The following PTPRQ variants were observed in gnomAD, a reference collection of about 807,000 sequenced individuals.
PTPRQ encodes phosphatidylinositol phosphatase PTPRQ.
A neutral mutation model predicts 246.0 loss-of-function variants in PTPRQ; 199 were observed. That is an observed-to-expected ratio of 0.81 (90% CI 0.72 to 0.91). The LOEUF is 0.91. Among genes scored for constraint, PTPRQ ranks in the 40% least tolerant of loss-of-function variants. PTPRQ has a pLI of 0.00. For synonymous variants in PTPRQ, 869 were observed against 853.2 expected (o/e 1.02, Z -0.32); for missense variants, 2,624 against 2,528.4 (o/e 1.04, Z -0.81).
At chr12:80,484,806 C>T (rs1285009406) in intron 9 of PTPRQ, among the ~76,000 whole-genome samples, 2 of 152,026 alleles carry the variant, frequency 1.3e-5, no homozygotes, top group Non-Finnish European at 2.9e-5. Flanking sequence ...TGCTATTATT[C>T]CTTTTCATCA....
At chr12:80,506,315 A>G in intron 15 of PTPRQ, 109 bp downstream of exon 15, 3 of 1,248,422 alleles carry the variant, frequency 2.4e-6, no homozygotes, top group Non-Finnish European at 3.2e-6. Context: ...GGGTATTACA[A>G]TTTTGTCTTT....
chr12:80,494,974 C>CAGCTGTCTTATGTTATCAGGAGACTTGT lies in PTPRQ; in HGVS notation c.1584_1611dup (p.Pro538AlafsTer13), dbSNP rs1478922866. 2 of 1,550,002 alleles carry CAGCTGTCTTATGTTATCAGGAGACTTGT rather than the reference C, an allele frequency of 1.3e-6. No individual in the cohort carries two copies. The highest frequency in any genetic ancestry group is 3.9e-5 in the Admixed American group (2 of 50,902). On this transcript the variant is annotated frameshift_variant, in exon 11 of 45. Transcript: ENST00000644991. LOFTEE classifies it high-confidence loss of function. ...GTATATTACTGACATTGCAGCTGAA[C>CAGCTGTCTTATGTTATCAGGAGACTTGT]AGCTGTCTTATGTTATCAGGAGACT...
At chr12:80,486,120 A>C (rs1247481156) in intron 9 of PTPRQ, among the ~76,000 whole-genome samples, 1 of 152,166 alleles carries the variant, frequency 6.6e-6, no homozygotes, top group South Asian at 2.1e-4. Context: ...TCTCTAAGAT[A>C]GTGATTATAA....
rs770019394 is a variant in PTPRQ at position 80,495,358 on chromosome 12, C to T, written c.1869C>T (p.Ser623=). 1.5e-5 allele frequency: 23 copies of T among 1,511,654 alleles called. No homozygotes were observed. The African/African-American group carries it at 3.1e-4, about 21-fold the overall frequency. The allele number at this position is 1,511,654 out of a possible 1,614,324, so 93.6% of individuals were successfully genotyped here. The part of the protein sequence containing the change: ...RAFQITTIDN[S]FLITGLKKYT... ...TCCAGATAACTACCATAGATAACAG[C>T]TTTCTCATAACAGGTAGAAAACAAT... The change falls in exon 12 of 45, where the codon AGC becomes AGT. Residue 623 remains serine, a synonymous_variant. Transcript: ENST00000644991.
At chr12:80,638,364 C>A (rs1899736092) in intron 35 of PTPRQ, among the ~76,000 whole-genome samples, 1 of 151,616 alleles carries the variant, frequency 6.6e-6, no homozygotes, top group Non-Finnish European at 1.5e-5. Context: ...ATTTTTCATG[C>A]AAAATTGAGC....
At chr12:80,549,043 C>A (rs1009915359) in intron 24 of PTPRQ, among the ~76,000 whole-genome samples, 1 of 152,214 alleles carries the variant, frequency 6.6e-6, no homozygotes, top group Admixed American at 6.6e-5. Context: ...TACTGTGAAG[C>A]CCAGATTTGT....
chr12:80,480,263 C>T (rs1893990130), intron 8 of PTPRQ, among the ~76,000 whole-genome samples: 1 of 152,138 alleles, frequency 6.6e-6, no homozygotes, highest in African/African-American at 2.4e-5. Context: ...CAACCTGCTC[C>T]TGAATGACTA....
At chr12:80,490,887 A>G (rs1243076324) in intron 9 of PTPRQ, among the ~76,000 whole-genome samples, 3 of 151,618 alleles carry the variant, frequency 2.0e-5, no homozygotes, top group East Asian at 3.9e-4. Flanking sequence ...TTTTTTTCTC[A>G]TTATGAAAAC....
intron 17 of PTPRQ, among the ~76,000 whole-genome samples, chr12:80,523,095 G>T (rs1225599361): frequency 6.6e-6 from 1 of 152,008 alleles, no homozygotes; most frequent in African/African-American, 2.4e-5. Flanking sequence ...GTCTTGGGAG[G>T]GTGTATGTGT....
rs1191636953 is a variant in PTPRQ, at chr12:80,616,283, C to T, written c.5230+17C>T. ...ATATCAAAGGTACATACATGAGCTA[C>T]CTTCCTATGAAATGCTATTAATCAG... On this transcript the variant is annotated intron_variant, in intron 30 of 44. Transcript: ENST00000644991. The T allele has an allele frequency of 4.1e-6, 6 of 1,458,158 alleles. No homozygotes were observed. Among genetic ancestry groups the T allele is most frequent in the Non-Finnish European group, 5.4e-6 (6 of 1,103,202 alleles). The allele number at this position is 1,458,158 out of a possible 1,614,324, so 90.3% of individuals were successfully genotyped here.
intron 8 of PTPRQ, among the ~76,000 whole-genome samples, chr12:80,478,996 C>G (rs1256376852): frequency 6.6e-6 from 1 of 151,526 alleles, no homozygotes; most frequent in Non-Finnish European, 1.5e-5. Context: ...GCAAGGCAGG[C>G]CAACGTTCAG....
intron 8 of PTPRQ, among the ~76,000 whole-genome samples, chr12:80,481,525 G>A (rs1029600415): frequency 2.0e-5 from 3 of 152,030 alleles, no homozygotes; most frequent in Admixed American, 1.3e-4. Context: ...TTCTGCCCAG[G>A]GCAATTAGGC....
intron 17 of PTPRQ, among the ~76,000 whole-genome samples, chr12:80,519,369 A>T (rs1895401645): frequency 6.6e-6 from 1 of 152,198 alleles, no homozygotes; most frequent in African/African-American, 2.4e-5. Flanking sequence ...AAAATGTCTC[A>T]GAAAGCTGAA....
intron 30 of PTPRQ, among the ~76,000 whole-genome samples, chr12:80,618,284 G>A (rs1450286699): frequency 1.4e-5 from 2 of 146,938 alleles, no homozygotes; most frequent in East Asian, 2.1e-4. Flanking sequence ...TTATTGAGAA[G>A]CTTTTTAAAA....
intron 9 of PTPRQ, among the ~76,000 whole-genome samples, chr12:80,488,097 G>GT (rs562962306): frequency 0.21 from 29,837 of 144,672 alleles, 3,137 homozygotes; most frequent in Middle Eastern, 0.25. Context: ...CCTTACAGTT[G>GT]TTTTTTTTTT....
intron 16 of PTPRQ, among the ~76,000 whole-genome samples, chr12:80,507,936 A>G (rs1460743358): frequency 1.3e-5 from 2 of 152,106 alleles, no homozygotes; most frequent in Non-Finnish European, 2.9e-5. Flanking sequence ...TGCCTTTTTG[A>G]AAATAGTACC....
intron 42 of PTPRQ, 28 bp downstream of exon 42, chr12:80,670,520 GAACCC>G (rs1237482130): frequency 6.8e-7 from 1 of 1,461,766 alleles, no homozygotes; most frequent in African/African-American, 1.5e-5. Flanking sequence ...AATGGCCTTT[GAACCC>G]ATTGGTCTTT....
In PTPRQ at chr12:80,484,507, C is replaced by G. The variant is rs1474888768; in HGVS notation, c.1261C>G (p.Arg421Gly). The G allele has an allele frequency of 1.3e-6, 2 of 1,551,048 alleles. No individual in the cohort carries two copies. The highest frequency in any genetic ancestry group is 3.3e-4 in the Middle Eastern group (2 of 5,988). The change falls in exon 9 of 45, where the codon CGA becomes GGA. Residue 421 changes from arginine to glycine, a missense_variant. By Grantham distance (125) the Arg-to-Gly change is moderately radical (BLOSUM62 -2). Coordinates refer to ENST00000644991, the MANE Select transcript of PTPRQ (RefSeq NM_001145026.2). ...TQVRITWKKPRQPNGIINQYR... is the reference protein window; with the variant it reads ...TQVRITWKKPGQPNGIINQYR... ...AGTAAGAATTACTTGGAAGAAACCA[C>G]GACAACCAAATGGAATTATTAACCA...
chr12:80,647,495 G>A (rs562310905), intron 35 of PTPRQ, among the ~76,000 whole-genome samples: 3 of 152,222 alleles, frequency 2.0e-5, no homozygotes, highest in South Asian at 4.1e-4. Context: ...GATGTAGCCT[G>A]TAGTTTATCT....
Sources: gnomAD v4.1 joint callset for allele counts (sites outside exome capture counted in the v4.1 genomes callset) on GRCh38, gnomAD v4.1.1 for gene constraint, MANE v1.5 for transcripts, NCBI Gene and HGNC (gene_info 2026-07-23, HGNC 2026-07-21) for gene names.